The following AJAP1 variants were observed in gnomAD, a reference collection of about 807,000 sequenced individuals.
The protein encoded by AJAP1 is adherens junctions associated protein 1, also known as adherens junction-associated protein 1.
Under a neutral mutation model 35.0 loss-of-function variants are expected in AJAP1, and 5 were observed. That is an observed-to-expected ratio of 0.14 (90% CI 0.07 to 0.30). The LOEUF (loss-of-function observed/expected upper bound fraction) is 0.30. Among genes scored for constraint, AJAP1 ranks in the 10% least tolerant of loss-of-function variants. The probability of loss-of-function intolerance (pLI) is 1.00; values close to 1 mark genes in which losing one functional copy is unlikely to be tolerated. For missense variants in AJAP1, 586 were observed against 571.0 expected (o/e 1.03, Z -0.27); for synonymous variants, 284 against 249.3 (o/e 1.14, Z -1.31).
chr1:4,670,743 A>G (rs1005920223), intron 1 of AJAP1, among the ~76,000 whole-genome samples: 5 of 152,264 alleles, frequency 3.3e-5, no homozygotes, highest in African/African-American at 1.2e-4. Context: ...TGCACTGGAC[A>G]GCCTGTTCAG....
chr1:4,667,192 G>A (rs910869006), intron 1 of AJAP1, among the ~76,000 whole-genome samples: 15 of 152,262 alleles, frequency 9.9e-5, no homozygotes, highest in East Asian at 3.9e-4. Context: ...CAGGAAACAC[G>A]TCTGCGGTCA....
At chr1:4,777,427 C>T (rs756269486) in intron 5 of AJAP1, 13 of 152,238 alleles carry the variant, frequency 8.5e-5, no homozygotes, top group Non-Finnish European at 1.3e-4. Flanking sequence ...CCAGTGGCTC[C>T]TGGGCAGATG....
In AJAP1 at chr1:4,742,347, C is replaced by T. The variant is rs568483220; in HGVS notation, c.830-27506C>T. Reference sequence around the variant, plus strand: ...CCCCAAATTCATAACCTGATCTGTTCATGAGGAAATGTCAGGCAAATCAAA... The same window carrying T: ...CCCCAAATTCATAACCTGATCTGTTTATGAGGAAATGTCAGGCAAATCAAA... On this transcript the variant is annotated intron_variant, in intron 2 of 5. Transcript: ENST00000378191. 7.2e-5 allele frequency among the ~76,000 whole-genome samples: 11 copies of T among 152,300 alleles called. 1 individual carries two copies. In the South Asian group the frequency reaches 2.3e-3, roughly 32 times the overall value.
chr1:4,762,113 C>G (rs1641579340), intron 2 of AJAP1, among the ~76,000 whole-genome samples: 1 of 152,168 alleles, frequency 6.6e-6, no homozygotes, highest in African/African-American at 2.4e-5. Flanking sequence ...CTTAGTTATA[C>G]CTAACATAAT....
At chr1:4,713,140 C>G (rs541513978) in intron 2 of AJAP1, among the ~76,000 whole-genome samples, 1 of 152,328 alleles carries the variant, frequency 6.6e-6, no homozygotes, top group South Asian at 2.1e-4. Flanking sequence ...CAAAAGCCTT[C>G]AAGGGTATGG....
In AJAP1 at chr1:4,712,351, G is replaced by T. The variant is rs778524013; in HGVS notation, c.481G>T (p.Gly161Trp). The change falls in exon 2 of 6, where the codon GGG becomes TGG. Residue 161 changes from glycine to tryptophan, a missense_variant. By Grantham distance (184) the Gly-to-Trp change is radical. Coordinates refer to ENST00000378191, the MANE Select transcript of AJAP1 (RefSeq NM_018836.4). ...GAGGAGGGGCAAGAGGCACCTGCAG[G>T]GGGACGGTCTCAGCAGCTTCGACTC... is the stretch of plus-strand genomic sequence containing the variant. Reference protein sequence around the residue: ...LLRRGKRHLQGDGLSSFDSRG... With the variant: ...LLRRGKRHLQWDGLSSFDSRG... 6.6e-7 allele frequency: 1 copy of T among 1,505,634 alleles called. No homozygotes were observed. The highest frequency in any genetic ancestry group is 1.4e-5 in the African/African-American group (1 of 71,886). 93.3% of individuals were successfully genotyped at this position (1,505,634 alleles called of 1,614,324 possible).
intron 1 of AJAP1, among the ~76,000 whole-genome samples, chr1:4,706,025 G>A (rs1383512989): frequency 6.6e-6 from 1 of 152,156 alleles, no homozygotes; most frequent in Admixed American, 6.5e-5. Context: ...TTTTTGGAAT[G>A]TCTTAAACTA....
intron 2 of AJAP1, among the ~76,000 whole-genome samples, chr1:4,754,201 G>A (rs1641378464): frequency 6.6e-6 from 1 of 152,028 alleles, no homozygotes; most frequent in African/African-American, 2.4e-5. Flanking sequence ...ACACATGAAA[G>A]TTATTTGAAA....
chr1:4,715,436 G>A (rs7547774), intron 2 of AJAP1, among the ~76,000 whole-genome samples: 10,651 of 152,260 alleles, frequency 0.07, 562 homozygotes, highest in East Asian at 0.16. Flanking sequence ...CTATAATCCC[G>A]ACATTGGGAG....
At position 4,703,055 on chromosome 1, in the gene AJAP1, G is replaced by T. The variant is rs147121473; in HGVS notation, c.30-8845G>T. ...CAAGTATCGCATGCGCGCTGGACGTGTCCGGGCCTGTGATGATGAAAGCCC... is the reference window on the plus strand; with the variant it reads ...CAAGTATCGCATGCGCGCTGGACGTTTCCGGGCCTGTGATGATGAAAGCCC... On this transcript the variant is annotated intron_variant, in intron 1 of 5. Transcript: ENST00000378191. Among the ~76,000 whole-genome samples, 472 of 152,246 alleles carry T rather than the reference G, an allele frequency of 3.1e-3. 2 individuals are homozygous for T. Among genetic ancestry groups the T allele is most frequent in the Middle Eastern group, 6.8e-3 (2 of 294 alleles).
rs981620921 is a variant in AJAP1, at chr1:4,784,919, C to T, written c.*2434C>T. On this transcript the variant is annotated 3_prime_UTR_variant, in exon 6 of 6. Transcript: ENST00000378191. Reference sequence around the variant, plus strand: ...GCCTCCTGACTCCAGGTGAGCACAGCGTGGTGCGAGTGCATGGTGAGGGCT... The same window carrying T: ...GCCTCCTGACTCCAGGTGAGCACAGTGTGGTGCGAGTGCATGGTGAGGGCT... 1.3e-5 allele frequency: 2 copies of T among 152,702 alleles called. No homozygotes were observed. The highest frequency in any genetic ancestry group is 2.4e-5 in the African/African-American group (1 of 41,464). The allele number at this position is 152,702 out of a possible 1,614,324, so 9.5% of individuals were successfully genotyped here.
intron 2 of AJAP1, among the ~76,000 whole-genome samples, chr1:4,741,961 G>A (rs1004156875): frequency 6.6e-6 from 1 of 152,242 alleles, no homozygotes; most frequent in Admixed American, 6.5e-5. Context: ...GAATCCCTGA[G>A]TGAATAAGAC....
At chr1:4,758,321 G>A (rs1358108451) in intron 2 of AJAP1, among the ~76,000 whole-genome samples, 2 of 152,132 alleles carry the variant, frequency 1.3e-5, no homozygotes, top group African/African-American at 4.8e-5. Flanking sequence ...CATAGGAAGT[G>A]CATTAGTCCA....
chr1:4,742,462 A>G (rs1641091385), intron 2 of AJAP1, among the ~76,000 whole-genome samples: 1 of 152,162 alleles, frequency 6.6e-6, no homozygotes, highest in Non-Finnish European at 1.5e-5. Context: ...ACTGTTCCCA[A>G]TTGGAAGACG....
At chr1:4,676,983 C>G (rs1639375904) in intron 1 of AJAP1, among the ~76,000 whole-genome samples, 1 of 152,092 alleles carries the variant, frequency 6.6e-6, no homozygotes, top group African/African-American at 2.4e-5. Flanking sequence ...ATGGTGAAAC[C>G]CCGTCTCTAC....
chr1:4,713,486 C>T (rs1271326486), intron 2 of AJAP1, among the ~76,000 whole-genome samples: 1 of 152,236 alleles, frequency 6.6e-6, no homozygotes, highest in East Asian at 1.9e-4. Context: ...CTCCTATACG[C>T]TGTCCTCCAT....
intron 1 of AJAP1, among the ~76,000 whole-genome samples, chr1:4,679,489 GCCACCA>G (rs1020174155): frequency 6.6e-6 from 1 of 152,132 alleles, no homozygotes; most frequent in African/African-American, 2.4e-5. Flanking sequence ...GATTAATGTG[GCCACCA>G]TAAAGTACTA....
intron 2 of AJAP1, among the ~76,000 whole-genome samples, chr1:4,724,845 AAG>A (rs752884247): frequency 1.3e-5 from 2 of 152,224 alleles, no homozygotes; most frequent in African/African-American, 2.4e-5. Context: ...GTGAAAGAGA[AAG>A]AGGAAATGAA....
At chr1:4,728,259 G>T (rs1640715413) in intron 2 of AJAP1, among the ~76,000 whole-genome samples, 1 of 152,220 alleles carries the variant, frequency 6.6e-6, no homozygotes, top group South Asian at 2.1e-4. Flanking sequence ...CATGGCCTTT[G>T]GCAGCTTGGA....
Sources: allele counts gnomAD v4.1 joint callset (sites outside exome capture counted in the v4.1 genomes callset), GRCh38; gene constraint gnomAD v4.1.1; transcripts MANE v1.5; gene names NCBI Gene and HGNC (gene_info 2026-07-23, HGNC 2026-07-21).